The following UBE3D variants were observed in gnomAD, a reference collection of about 807,000 sequenced individuals.
UBE3D encodes E3 ubiquitin-protein ligase E3D.
In UBE3D, 48 loss-of-function variants were observed where a neutral mutation model predicts 49.6. The ratio of observed to expected loss-of-function variants is 0.97; its 90% CI spans 0.77 to 1.23. UBE3D has a LOEUF of 1.23. UBE3D is among the 50% of genes most tolerant of loss of function. UBE3D has a pLI of 0.00. For missense variants in UBE3D, 452 were observed against 468.4 expected (o/e 0.96, Z 0.32); for synonymous variants, 189 against 174.2 (o/e 1.08, Z -0.67).
chr6:82,981,893 A>T (rs1778143154), intron 8 of UBE3D, among the ~76,000 whole-genome samples: 1 of 152,154 alleles, frequency 6.6e-6, no homozygotes, highest in African/African-American at 2.4e-5. Context: ...GCTGATTTCC[A>T]ATTCAAGTAC....
chr6:82,977,038 C>T lies in UBE3D; in HGVS notation c.1011-19588G>A, dbSNP rs556536462. 3.4e-5 allele frequency among the ~76,000 whole-genome samples: 5 copies of T among 145,140 alleles called. No individual in the cohort carries two copies. In the East Asian group the frequency reaches 8.5e-4, roughly 25 times the overall value. On this transcript the variant is annotated intron_variant, in intron 8 of 9. Coordinates refer to ENST00000369747, the MANE Select transcript of UBE3D (RefSeq NM_198920.3). ...CTGAGGCAGGAGAATGGCGTCAACCCGGGAGGCGGAGCTTGCAGTGAACTG... is the reference window on the plus strand; with the variant it reads ...CTGAGGCAGGAGAATGGCGTCAACCTGGGAGGCGGAGCTTGCAGTGAACTG...
intron 9 of UBE3D, among the ~76,000 whole-genome samples, chr6:82,954,087 G>T (rs1562117576): frequency 6.6e-6 from 1 of 152,330 alleles, no homozygotes; most frequent in East Asian, 1.9e-4. Context: ...GTCAGAAAGG[G>T]AGGCAGGGCC....
intron 9 of UBE3D, among the ~76,000 whole-genome samples, chr6:82,947,525 TTTTC>T (rs1775492366): frequency 6.6e-6 from 1 of 151,692 alleles, no homozygotes; most frequent in African/African-American, 2.4e-5. Context: ...TTTTCTTTTC[TTTTC>T]TTTTTCTTGC....
chr6:82,927,093 T>C (rs1286984446), intron 9 of UBE3D, among the ~76,000 whole-genome samples: 1 of 152,132 alleles, frequency 6.6e-6, no homozygotes, highest in Non-Finnish European at 1.5e-5. Context: ...CCAACATCAT[T>C]CATTAAAAAG....
At chr6:82,966,523 G>C (rs1776937911) in intron 8 of UBE3D, among the ~76,000 whole-genome samples, 1 of 118,652 alleles carries the variant, frequency 8.4e-6, no homozygotes, top group South Asian at 2.7e-4. Context: ...AGTGGCGGGC[G>C]CCTGTAGTCC....
chr6:82,967,490 C>A (rs1777032295), intron 8 of UBE3D, among the ~76,000 whole-genome samples: 1 of 152,050 alleles, frequency 6.6e-6, no homozygotes, highest in Admixed American at 6.6e-5. Context: ...CACTCCCTAC[C>A]CCCTGGCAAC....
chr6:82,906,854 G>C (rs1286738055), intron 9 of UBE3D, among the ~76,000 whole-genome samples: 2 of 152,138 alleles, frequency 1.3e-5, no homozygotes, highest in South Asian at 2.1e-4. Context: ...AGTAGGACAG[G>C]CTAGAAAATA....
chr6:82,968,026 G>A (rs2127700797), intron 8 of UBE3D, among the ~76,000 whole-genome samples: 1 of 152,118 alleles, frequency 6.6e-6, no homozygotes, highest in African/African-American at 2.4e-5. Flanking sequence ...GGACATTTGG[G>A]CTGATTCAGT....
intron 8 of UBE3D, among the ~76,000 whole-genome samples, chr6:82,967,784 G>A (rs1777056349): frequency 6.6e-6 from 1 of 151,630 alleles, no homozygotes; most frequent in South Asian, 2.1e-4. Flanking sequence ...TGATTCTAGA[G>A]GTGTGCACTG....
intron 8 of UBE3D, chr6:83,017,829 C>T (rs537464961): frequency 6.6e-6 from 1 of 151,916 alleles, no homozygotes; most frequent in East Asian, 1.9e-4. Flanking sequence ...CTAATTATAA[C>T]AGCAAAAAAG....
intron 8 of UBE3D, among the ~76,000 whole-genome samples, chr6:82,996,920 A>T (rs1233366851): frequency 6.6e-6 from 1 of 152,208 alleles, no homozygotes; most frequent in Non-Finnish European, 1.5e-5. Flanking sequence ...AGACCTGGTG[A>T]AATGTGAATA....
intron 5 of UBE3D, among the ~76,000 whole-genome samples, chr6:83,024,369 G>C (rs1345049066): frequency 2.0e-5 from 3 of 152,132 alleles, no homozygotes; most frequent in African/African-American, 7.2e-5. Context: ...CTACAGAATA[G>C]CTACAAACCT....
intron 3 of UBE3D, among the ~76,000 whole-genome samples, chr6:83,044,918 G>A (rs554343191): frequency 5.3e-5 from 8 of 152,244 alleles, no homozygotes; most frequent in East Asian, 3.9e-4. Context: ...TTTGCCATCC[G>A]TTCAAAAGAT....
At chr6:82,894,732 T>C (rs1771185620) in intron 9 of UBE3D, among the ~76,000 whole-genome samples, 1 of 152,146 alleles carries the variant, frequency 6.6e-6, no homozygotes, top group African/African-American at 2.4e-5. Flanking sequence ...TAGAGCCTGT[T>C]ATAATAGACA....
At chr6:82,985,286 T>C (rs1317310619) in intron 8 of UBE3D, among the ~76,000 whole-genome samples, 1 of 152,180 alleles carries the variant, frequency 6.6e-6, no homozygotes, top group Non-Finnish European at 1.5e-5. Context: ...GTTAAAAGGT[T>C]TTCCCCACTC....
In UBE3D at chr6:83,065,814, G is replaced by C; in HGVS notation, c.-96C>G. 7.7e-7 allele frequency: 1 copy of C among 1,296,352 alleles called. No homozygotes were observed. The highest frequency in any genetic ancestry group is 1.3e-5 in the South Asian group (1 of 76,394). The allele number at this position is 1,296,352 out of a possible 1,614,324, so 80.3% of individuals were successfully genotyped here. The stretch of plus-strand genomic sequence containing the variant: ...GGTTCCACGTGCGGACCAACCAGCG[G>C]CAGCCCCGCTGCGGCGCAGGCGCCT... On this transcript the variant is annotated 5_prime_UTR_variant, in exon 1 of 10. Transcript: ENST00000369747.
intron 8 of UBE3D, among the ~76,000 whole-genome samples, chr6:83,015,134 C>T (rs1056882223): frequency 6.6e-6 from 1 of 152,332 alleles, no homozygotes; most frequent in East Asian, 1.9e-4. Flanking sequence ...TGAGTGACTG[C>T]AGTTCCCACT....
chr6:82,971,943 C>T (rs1777382062), intron 8 of UBE3D, among the ~76,000 whole-genome samples: 1 of 152,072 alleles, frequency 6.6e-6, no homozygotes, highest in Admixed American at 6.5e-5. Context: ...CCTGGTATAA[C>T]AAATAGGTTC....
At chr6:83,025,950 A>G (rs1781432802) in intron 5 of UBE3D, among the ~76,000 whole-genome samples, 1 of 151,770 alleles carries the variant, frequency 6.6e-6, no homozygotes, top group Non-Finnish European at 1.5e-5. Flanking sequence ...AACATATAAG[A>G]ATTTATTTCA....
Sources: allele counts gnomAD v4.1 joint callset (sites outside exome capture counted in the v4.1 genomes callset), GRCh38; gene constraint gnomAD v4.1.1; transcripts MANE v1.5; gene names NCBI Gene and HGNC (gene_info 2026-07-23, HGNC 2026-07-21).